The following SUGCT variants were observed in gnomAD, a reference collection of about 807,000 sequenced individuals.
SUGCT encodes succinyl-CoA:glutarate CoA-transferase.
SUGCT carries 41 observed loss-of-function variants against 55.0 expected under a neutral mutation model. The observed-to-expected ratio is 0.74, with a 90% CI of 0.58 to 0.97. SUGCT has a LOEUF of 0.97. Among genes scored for constraint, SUGCT ranks in the 50% least tolerant of loss-of-function variants. SUGCT has a pLI of 0.00. For synonymous variants in SUGCT, 187 were observed against 200.4 expected (o/e 0.93, Z 0.56); for missense variants, 568 against 547.8 (o/e 1.04, Z -0.37).
intron 1 of SUGCT, chr7:40,153,423 A>C: frequency 2.7e-6 from 1 of 370,994 alleles, no homozygotes; most frequent in Non-Finnish European, 5.3e-6. Context: ...TGATGTTGCG[A>C]TTCTTTTGAA....
chr7:40,998,173 C>T, the SUGCT span, among the ~76,000 whole-genome samples: 1 of 152,078 alleles, frequency 6.6e-6, no homozygotes, highest in African/African-American at 2.4e-5. Context: ...TTGAGACCAA[C>T]CGGGTCAACA....
At chr7:40,669,062 G>A (rs544308710) in intron 12 of SUGCT, among the ~76,000 whole-genome samples, 29 of 152,152 alleles carry the variant, frequency 1.9e-4, no homozygotes, top group Middle Eastern at 3.4e-3. Flanking sequence ...CTGTGATGTC[G>A]GTGCCACATG....
At chr7:40,424,346 G>T (rs1197211468) in intron 9 of SUGCT, among the ~76,000 whole-genome samples, 1 of 152,074 alleles carries the variant, frequency 6.6e-6, no homozygotes, top group Admixed American at 6.6e-5. Context: ...ATGTGTGTAG[G>T]TGTGTGGAGA....
chr7:40,220,568 T>C (rs866123749), intron 6 of SUGCT, among the ~76,000 whole-genome samples: 1 of 152,204 alleles, frequency 6.6e-6, no homozygotes, highest in African/African-American at 2.4e-5. Flanking sequence ...TGAGAGCTTT[T>C]AATGATTCAT....
intron 9 of SUGCT, among the ~76,000 whole-genome samples, chr7:40,334,877 T>C (rs994177181): frequency 6.6e-6 from 1 of 152,252 alleles, no homozygotes; most frequent in Non-Finnish European, 1.5e-5. Context: ...AGGGTTTTTA[T>C]GGTTTTAGGT....
At chr7:40,606,025 C>T (rs1329676311) in intron 12 of SUGCT, among the ~76,000 whole-genome samples, 2 of 152,096 alleles carry the variant, frequency 1.3e-5, no homozygotes. Context: ...AGTCGTTGAA[C>T]GACTGTCACT....
intron 9 of SUGCT, among the ~76,000 whole-genome samples, chr7:40,357,790 A>AT (rs1316686451): frequency 2.4e-5 from 3 of 125,446 alleles, no homozygotes; most frequent in Admixed American, 7.9e-5. Flanking sequence ...TCTTCTTTTG[A>AT]TTTTTTTAAC....
chr7:40,635,869 C>T (rs539403793), intron 12 of SUGCT, among the ~76,000 whole-genome samples: 2 of 152,250 alleles, frequency 1.3e-5, no homozygotes, highest in Admixed American at 6.5e-5. Context: ...TCCTTCCTAC[C>T]TTAACTTTGG....
In SUGCT at chr7:40,814,567, T is replaced by A. The variant is rs547095475; in HGVS notation, c.1154-45749T>A. On this transcript the variant is annotated intron_variant, in intron 13 of 13. Coordinates refer to ENST00000335693, the MANE Select transcript of SUGCT (RefSeq NM_001193313.2). The stretch of plus-strand genomic sequence containing the variant: ...CAGAAGCTCTGTTTGATTTTTTTTT[T>A]AAAGATGTTTACCTCTTCCTTCATT... Among the ~76,000 whole-genome samples the A allele has an allele frequency of 2.1e-3, 325 of 151,992 alleles. 1 individual carries two copies. Among genetic ancestry groups the A allele is most frequent in the African/African-American group, 7.5e-3 (312 of 41,480 alleles).
At chr7:40,268,875 G>C (rs1791797529) in intron 7 of SUGCT, among the ~76,000 whole-genome samples, 1 of 152,136 alleles carries the variant, frequency 6.6e-6, no homozygotes, top group African/African-American at 2.4e-5. Flanking sequence ...CTGACCTCGT[G>C]ATCCGCCCGC....
At chr7:40,790,848 A>G (rs906334452) in intron 13 of SUGCT, among the ~76,000 whole-genome samples, 4 of 152,232 alleles carry the variant, frequency 2.6e-5, no homozygotes, top group Non-Finnish European at 5.9e-5. Context: ...GTGCATTTTC[A>G]TCTGTAAGCA....
Position 40,570,296 on chromosome 7 carries a change from G to T in SUGCT, c.1089+73910G>T, listed in dbSNP as rs1275121977. On this transcript the variant is annotated intron_variant, in intron 12 of 13. Transcript: ENST00000335693. Reference sequence around the variant, plus strand: ...TCATTTATTTATTGAACTAATATTTGCTGAGTGCCCATGCACTATCAGTTA... The same window carrying T: ...TCATTTATTTATTGAACTAATATTTTCTGAGTGCCCATGCACTATCAGTTA... Among the ~76,000 whole-genome samples, 3 of 152,186 alleles carry T rather than the reference G, an allele frequency of 2.0e-5. 1 individual carries two copies. Among genetic ancestry groups the T allele is most frequent in the Non-Finnish European group, 2.9e-5 (2 of 68,038 alleles).
Position 40,496,246 on chromosome 7 carries a change from T to C in SUGCT, c.987-38T>C, listed in dbSNP as rs750271441. On this transcript the variant is annotated intron_variant, in intron 11 of 13. Coordinates refer to ENST00000335693, the MANE Select transcript of SUGCT (RefSeq NM_001193313.2). Reference sequence around the variant, plus strand: ...GATAGAAGAGGCTGTGTTACATTCCTTCCTGTGTAAAAAATTTATCCTTGT... The same window carrying C: ...GATAGAAGAGGCTGTGTTACATTCCCTCCTGTGTAAAAAATTTATCCTTGT... 6 of 1,378,380 alleles carry C rather than the reference T, an allele frequency of 4.4e-6. No individual in the cohort carries two copies. The South Asian group carries it at 6.1e-5, about 14-fold the overall frequency. The allele number at this position is 1,378,380 out of a possible 1,614,324, so 85.4% of individuals were successfully genotyped here.
chr7:40,445,248 T>C (rs1267986225), intron 9 of SUGCT, among the ~76,000 whole-genome samples: 1 of 152,102 alleles, frequency 6.6e-6, no homozygotes, highest in Non-Finnish European at 1.5e-5. Flanking sequence ...GATAGACCGC[T>C]AGCAAGACTA....
At chr7:40,241,747 C>T (rs1789407255) in intron 7 of SUGCT, among the ~76,000 whole-genome samples, 1 of 151,782 alleles carries the variant, frequency 6.6e-6, no homozygotes, top group Non-Finnish European at 1.5e-5. Flanking sequence ...TGCTGAAACC[C>T]CGTCTCTACT....
At chr7:40,621,220 T>C (rs564275361) in intron 12 of SUGCT, among the ~76,000 whole-genome samples, 87 of 152,206 alleles carry the variant, frequency 5.7e-4, no homozygotes, top group African/African-American at 2.0e-3. Context: ...AAGTCAGAAA[T>C]TGAAGATACA....
chr7:40,673,970 C>T (rs1207153892), intron 12 of SUGCT, among the ~76,000 whole-genome samples: 1 of 152,140 alleles, frequency 6.6e-6, no homozygotes, highest in Non-Finnish European at 1.5e-5. Flanking sequence ...CACTTAATAA[C>T]AAACAGGCAC....
At chr7:40,445,190 A>G (rs1788749355) in intron 9 of SUGCT, among the ~76,000 whole-genome samples, 1 of 152,166 alleles carries the variant, frequency 6.6e-6, no homozygotes, top group Middle Eastern at 3.2e-3. Context: ...AACCCTTAAA[A>G]AAATCAATGA....
At chr7:40,381,283 T>C (rs565922186) in intron 9 of SUGCT, among the ~76,000 whole-genome samples, 16 of 152,160 alleles carry the variant, frequency 1.1e-4, no homozygotes, top group African/African-American at 3.6e-4. Flanking sequence ...ATAAGAGTAG[T>C]AGCAATAATA....
Sources: gnomAD v4.1 joint callset for allele counts (sites outside exome capture counted in the v4.1 genomes callset) on GRCh38, gnomAD v4.1.1 for gene constraint, MANE v1.5 for transcripts, NCBI Gene and HGNC (gene_info 2026-07-23, HGNC 2026-07-21) for gene names.